PGR: variants seen among roughly 807,000 people sequenced by gnomAD.
PGR encodes the protein progesterone receptor, also known as nuclear receptor subfamily 3 group C member 3.
Under a neutral mutation model 76.1 loss-of-function variants are expected in PGR, and 25 were observed. The ratio of observed to expected loss-of-function variants is 0.33; its 90% confidence interval spans 0.24 to 0.46. The LOEUF (loss-of-function observed/expected upper bound fraction) is 0.46. PGR is among the 20% of genes least tolerant of loss of function. PGR has a pLI of 1.00. For missense variants in PGR, 1,172 were observed against 1,225.3 expected (o/e 0.96, Z 0.65); for synonymous variants, 579 against 535.0 (o/e 1.08, Z -1.14).
chr11:101,055,084 G>A (rs1161840217), intron 4 of PGR, among the ~76,000 whole-genome samples: 2 of 152,028 alleles, frequency 1.3e-5, no homozygotes, highest in Non-Finnish European at 2.9e-5. Flanking sequence ...TATTTTATGT[G>A]TGTTGTTATA....
chr11:101,128,935 G>A lies in PGR; in HGVS notation c.136C>T (p.Pro46Ser), dbSNP rs1863002000. Reference protein sequence around the residue: ...FPGSQTSDTLPEVSAIPISLD... With the variant: ...FPGSQTSDTLSEVSAIPISLD... ...GAGATAGGTATGGCCGAAACTTCAG[G>A]CAAGGTGTCCGAGGTCTGGCTCCCC... The change falls in exon 1 of 8, where the codon CCT (proline) becomes TCT (serine). Residue 46 changes from proline (P) to serine (S), a missense_variant. Transcript: ENST00000325455. 6.2e-7 allele frequency: 1 copy of A among 1,612,052 alleles called. No individual in the cohort carries two copies. The highest frequency in any genetic ancestry group is 1.3e-5 in the African/African-American group (1 of 74,902).
At chr11:101,116,307 C>A (rs968625588) in intron 2 of PGR, among the ~76,000 whole-genome samples, 2 of 152,116 alleles carry the variant, frequency 1.3e-5, no homozygotes, top group African/African-American at 4.8e-5. Context: ...TTCTAGGGTA[C>A]CTGAAGGTGA....
chr11:101,065,217 T>G (rs1437031993), intron 3 of PGR, among the ~76,000 whole-genome samples: 2 of 152,146 alleles, frequency 1.3e-5, no homozygotes, highest in Non-Finnish European at 2.9e-5. Flanking sequence ...GATCTGAAGC[T>G]TTATAAACTG....
Position 101,128,291 on chromosome 11 carries a change from C to G in PGR, c.780G>C (p.Ala260=), listed in dbSNP as rs748812117. 36 of 1,591,292 alleles carry G rather than the reference C, an allele frequency of 2.3e-5. No individual in the cohort carries two copies. The African/African-American group carries it at 4.6e-4, about 20-fold the overall frequency. Residue 260 remains alanine (A), a synonymous_variant, in exon 1 of 8, where the codon GCG becomes GCC. Coordinates refer to ENST00000325455, the MANE Select transcript of PGR (RefSeq NM_000926.4). ...GGACCAGGGCGACGCCTCCTGCTGC[C>G]GCCCCCGGCGGGACAGCCGCGGCTC... The part of the protein sequence containing the change: ...GGGAAAVPPG[A]AAGGVALVPK...
chr11:101,073,702 C>A (rs1861025951), intron 3 of PGR, among the ~76,000 whole-genome samples: 1 of 152,118 alleles, frequency 6.6e-6, no homozygotes, highest in Admixed American at 6.6e-5. Flanking sequence ...ACTATAAACA[C>A]CTCTATGAAA....
intron 2 of PGR, among the ~76,000 whole-genome samples, chr11:101,101,332 T>C (rs1303745528): frequency 1.3e-5 from 2 of 152,160 alleles, no homozygotes; most frequent in Non-Finnish European, 2.9e-5. Context: ...TGGAAACCAC[T>C]GGAGATTACT....
intron 2 of PGR, among the ~76,000 whole-genome samples, chr11:101,095,176 A>G (rs964556067): frequency 6.6e-6 from 1 of 152,220 alleles, no homozygotes; most frequent in East Asian, 1.9e-4. Context: ...ATTTAAGTTA[A>G]TGTATTTATA....
rs146232223 is a variant in PGR at position 101,110,499 on chromosome 11, G to C, written c.1789+15508C>G. ...AGAAGTGGAGTTCAAAGATGTGACT[G>C]AATTGCTAAAATCTCATAAAATTTG... On this transcript the variant is annotated intron_variant, in intron 2 of 7. Transcript: ENST00000325455. Among the ~76,000 whole-genome samples, 21 of 152,280 alleles carry C rather than the reference G, an allele frequency of 1.4e-4. No homozygotes were observed. The East Asian group carries it at 4.1e-3, about 29-fold the overall frequency.
At chr11:101,078,098 C>A (rs1861182707) in intron 3 of PGR, among the ~76,000 whole-genome samples, 1 of 151,650 alleles carries the variant, frequency 6.6e-6, no homozygotes, top group African/African-American at 2.4e-5. Context: ...GAGGAGAAAA[C>A]AAAAAAACAA....
Position 101,127,916 on chromosome 11 carries a change from T to G in PGR, c.1155A>C (p.Leu385=), listed in dbSNP as rs1862927334. The G allele has an allele frequency of 6.2e-7, 1 of 1,609,866 alleles. No individual in the cohort carries two copies. The highest frequency in any genetic ancestry group is 8.5e-7 in the Non-Finnish European group (1 of 1,179,444). The change falls in exon 1 of 8, where the codon CTA becomes CTC. Residue 385 remains leucine, a synonymous_variant. Transcript: ENST00000325455. The part of the protein sequence containing the change: ...PLYSDFQPPA[L]KIKEEEEGAE... ...CGCCTTCCTCCTCCTCCTTTATCTTTAGAGCGGGCGGCTGGAAGTCGCTAT... is the reference window on the plus strand; with the variant it reads ...CGCCTTCCTCCTCCTCCTTTATCTTGAGAGCGGGCGGCTGGAAGTCGCTAT...
At chr11:101,090,067 G>A (rs548902939) in intron 3 of PGR, among the ~76,000 whole-genome samples, 41 of 152,158 alleles carry the variant, frequency 2.7e-4, no homozygotes, top group Non-Finnish European at 5.0e-4. Flanking sequence ...GCGTAATGGC[G>A]GGTGCCTATG....
At chr11:101,119,217 T>C (rs1345235256) in intron 2 of PGR, among the ~76,000 whole-genome samples, 2 of 152,166 alleles carry the variant, frequency 1.3e-5, no homozygotes, top group Admixed American at 6.5e-5. Flanking sequence ...TAACAGGCCA[T>C]GGGCCCGCAC....
chr11:101,125,079 C>T (rs1270505834), intron 2 of PGR, among the ~76,000 whole-genome samples: 4 of 151,984 alleles, frequency 2.6e-5, no homozygotes, highest in African/African-American at 7.2e-5. Flanking sequence ...ATCCTTGGTT[C>T]CTTGTCTAGG....
chr11:101,077,456 C>A (rs1327248847), intron 3 of PGR, among the ~76,000 whole-genome samples: 1 of 152,046 alleles, frequency 6.6e-6, no homozygotes, highest in Non-Finnish European at 1.5e-5. Flanking sequence ...CAGGTATTTT[C>A]CAAAAACCAA....
intron 4 of PGR, among the ~76,000 whole-genome samples, chr11:101,061,376 A>G (rs1860491925): frequency 6.6e-6 from 1 of 152,106 alleles, no homozygotes; most frequent in Non-Finnish European, 1.5e-5. Flanking sequence ...CTTAATATGT[A>G]TTTTTTGAAA....
At chr11:101,077,245 T>C (rs1163330709) in intron 3 of PGR, among the ~76,000 whole-genome samples, 1 of 152,058 alleles carries the variant, frequency 6.6e-6, no homozygotes, top group Non-Finnish European at 1.5e-5. Flanking sequence ...CTACTTCAGA[T>C]TACCAAAATG....
chr11:101,067,152 C>A (rs1035782123), intron 3 of PGR, among the ~76,000 whole-genome samples: 1 of 152,148 alleles, frequency 6.6e-6, no homozygotes, highest in South Asian at 2.1e-4. Context: ...TGGGGTCTTA[C>A]ACTGACAAGT....
chr11:101,047,444 T>G (rs1451071870), intron 6 of PGR, among the ~76,000 whole-genome samples: 1 of 152,154 alleles, frequency 6.6e-6, no homozygotes, highest in Non-Finnish European at 1.5e-5. Context: ...TTTGTTCAAT[T>G]GATGCTCTGT....
At position 101,038,939 on chromosome 11, in the gene PGR, A is replaced by ATACTT. The variant is rs774562414; in HGVS notation, c.*172_*176dup. 3.7e-6 allele frequency: 2 copies of ATACTT among 541,268 alleles called. No individual in the cohort carries two copies. Among genetic ancestry groups the ATACTT allele is most frequent in the Non-Finnish European group, 6.5e-6 (2 of 306,798 alleles). 33.5% of individuals were successfully genotyped at this position (541,268 alleles called of 1,614,324 possible). On this transcript the variant is annotated 3_prime_UTR_variant, in exon 8 of 8. Coordinates refer to ENST00000325455, the MANE Select transcript of PGR (RefSeq NM_000926.4). ...AACAAAACAGTTAAACATTCTAATTATACTTTATAAAAGAAAATAATTAGA... is the reference window on the plus strand; with the variant it reads ...AACAAAACAGTTAAACATTCTAATTATACTTTACTTTATAAAAGAAAATAATTAGA...
Sources: gnomAD v4.1 joint callset for allele counts (sites outside exome capture counted in the v4.1 genomes callset) on GRCh38, gnomAD v4.1.1 for gene constraint, MANE v1.5 for transcripts, NCBI Gene and HGNC (gene_info 2026-07-23, HGNC 2026-07-21) for gene names.